The following ATRN variants were observed in gnomAD, a reference collection of about 807,000 sequenced individuals.
ATRN encodes attractin.
Under a neutral mutation model 178.7 loss-of-function variants are expected in ATRN, and 54 were observed. The observed-to-expected ratio is 0.30, with a 90% CI of 0.24 to 0.38. The LOEUF is 0.38. Ranked by LOEUF, ATRN falls within the 10% of genes least tolerant of loss-of-function variation. The pLI is 1.00. For missense variants in ATRN, 1,443 were observed against 1,815.1 expected, an observed-to-expected ratio of 0.79 and a Z score of 3.73; for synonymous variants, 636 against 663.0, an observed-to-expected ratio of 0.96 and a Z score of 0.63.
intron 22 of ATRN, among the ~76,000 whole-genome samples, chr20:3,598,254 GTCA>G (rs1568755153): frequency 6.6e-6 from 1 of 152,224 alleles, no homozygotes; most frequent in Non-Finnish European, 1.5e-5. Flanking sequence ...TACTCTGCCT[GTCA>G]GCCCATCATG....
intron 1 of ATRN, among the ~76,000 whole-genome samples, chr20:3,488,220 A>G (rs1164273502): frequency 6.6e-6 from 1 of 152,116 alleles, no homozygotes; most frequent in African/African-American, 2.4e-5. Flanking sequence ...ACGTAGTGAA[A>G]TGTATTGATT....
chr20:3,618,154 G>A (rs982363790), intron 24 of ATRN, among the ~76,000 whole-genome samples: 5 of 152,066 alleles, frequency 3.3e-5, no homozygotes, highest in Admixed American at 6.6e-5. Flanking sequence ...ATCTGTGGTG[G>A]CATCTTTCCA....
In ATRN at chr20:3,575,977, A is replaced by G. The variant is rs1056341433; in HGVS notation, c.2214+29A>G. The G allele has an allele frequency of 5.0e-6, 8 of 1,609,162 alleles. No individual in the cohort carries two copies. The African/African-American group carries it at 1.1e-4, about 22-fold the overall frequency. ...AGAGGCTGTTTCTTAAAGATTTCAG[A>G]AAAATCCCAATTTGTCATAGGTTTA... On this transcript the variant is annotated intron_variant, in intron 13 of 28. Transcript: ENST00000262919.
At chr20:3,487,951 C>A (rs1308627194) in intron 1 of ATRN, among the ~76,000 whole-genome samples, 1 of 152,126 alleles carries the variant, frequency 6.6e-6, no homozygotes, top group African/African-American at 2.4e-5. Flanking sequence ...GGTTCCAATT[C>A]CCTGCCTTAC....
intron 28 of ATRN, 60 bp downstream of exon 28, chr20:3,644,328 G>C (rs942926139): frequency 7.3e-7 from 1 of 1,363,560 alleles, no homozygotes; most frequent in Non-Finnish European, 1.0e-6. Flanking sequence ...CTAAGCATGG[G>C]ATACTTCCCT....
intron 1 of ATRN, among the ~76,000 whole-genome samples, chr20:3,472,478 G>T (rs1476637385): frequency 6.6e-6 from 1 of 152,200 alleles, no homozygotes; most frequent in African/African-American, 2.4e-5. Flanking sequence ...CAGGGCCTCT[G>T]CTCTCATTGA....
intron 2 of ATRN, among the ~76,000 whole-genome samples, chr20:3,538,280 A>G (rs748987945): frequency 2.6e-5 from 4 of 152,132 alleles, no homozygotes; most frequent in Non-Finnish European, 5.9e-5. Flanking sequence ...AGCAGTGATC[A>G]CTAGTACCAT....
rs1222519146 is a variant in ATRN at position 3,634,511 on chromosome 20, G to A, written c.3942+122G>A. The A allele has an allele frequency of 7.6e-6, 6 of 785,114 alleles. No individual in the cohort carries two copies. The African/African-American group carries it at 1.0e-4, about 14-fold the overall frequency. The allele number at this position is 785,114 out of a possible 1,614,324, so 48.6% of individuals were successfully genotyped here. Reference sequence around the variant, plus strand: ...GGACAGACAGACATCTCCACGGAAGGAATAATGCAGCCCTTTCTGCAGTCC... The same window carrying A: ...GGACAGACAGACATCTCCACGGAAGAAATAATGCAGCCCTTTCTGCAGTCC... On this transcript the variant is annotated intron_variant, in intron 26 of 28. Transcript: ENST00000262919.
intron 1 of ATRN, among the ~76,000 whole-genome samples, chr20:3,528,581 T>C (rs1045707593): frequency 6.6e-6 from 1 of 151,998 alleles, no homozygotes; most frequent in Non-Finnish European, 1.5e-5. Context: ...CACCGGGACC[T>C]GCTTGAGGGT....
chr20:3,540,203 C>G lies in ATRN; in HGVS notation c.495-19C>G. 1 of 1,419,690 alleles carries G rather than the reference C, an allele frequency of 7.0e-7. No individual in the cohort carries two copies. The highest frequency in any genetic ancestry group is 9.7e-7 in the Non-Finnish European group (1 of 1,030,886). 87.9% of individuals were successfully genotyped at this position (1,419,690 alleles called of 1,614,324 possible). A position where few individuals can be genotyped will look rare whatever the true frequency, so the allele number is the denominator to read the frequency against. On this transcript the variant is annotated intron_variant, in intron 2 of 28. Coordinates refer to ENST00000262919, the MANE Select transcript of ATRN (RefSeq NM_139321.3). ...GTTGTGATAACTTTATTATAAATTACTTTTTTTATTCTTTTCAGGCCAAAT... is the reference window on the plus strand; with the variant it reads ...GTTGTGATAACTTTATTATAAATTAGTTTTTTTATTCTTTTCAGGCCAAAT...
At chr20:3,637,704 T>C (rs2087036252) in intron 26 of ATRN, among the ~76,000 whole-genome samples, 1 of 152,150 alleles carries the variant, frequency 6.6e-6, no homozygotes, top group African/African-American at 2.4e-5. Flanking sequence ...AGTATCTCAT[T>C]TGATCCCAGT....
intron 22 of ATRN, among the ~76,000 whole-genome samples, chr20:3,599,751 A>C (rs1355042404): frequency 6.6e-6 from 1 of 152,220 alleles, no homozygotes; most frequent in Non-Finnish European, 1.5e-5. Flanking sequence ...CCGATGACCC[A>C]CGTATACCAA....
At chr20:3,492,168 A>AGTGTGTGTGTGTGT (rs58489496) in intron 1 of ATRN, among the ~76,000 whole-genome samples, 208 of 140,692 alleles carry the variant, frequency 1.5e-3, no homozygotes, top group South Asian at 3.6e-3. Context: ...TAGATAGGGG[A>AGTGTGTGTGTGTGT]GTGTGTGTGT....
intron 6 of ATRN, among the ~76,000 whole-genome samples, chr20:3,554,969 A>G (rs1364715637): frequency 3.4e-5 from 5 of 147,370 alleles, no homozygotes. Flanking sequence ...GGCTCATGGA[A>G]CACCAAGTGT....
chr20:3,570,779 G>A (rs1229834516), intron 11 of ATRN, among the ~76,000 whole-genome samples: 1 of 152,102 alleles, frequency 6.6e-6, no homozygotes, highest in African/African-American at 2.4e-5. Context: ...TCTCTAAAAA[G>A]TTCTAGTTTT....
chr20:3,516,372 C>G (rs534753237), intron 1 of ATRN, among the ~76,000 whole-genome samples: 1 of 152,122 alleles, frequency 6.6e-6, no homozygotes, highest in African/African-American at 2.4e-5. Context: ...AGTTGCCATA[C>G]GTATAACTGC....
At chr20:3,560,626 A>G (rs370779847) in intron 7 of ATRN, 36 bp from the exon 8 acceptor site, 7 of 1,503,962 alleles carry the variant, frequency 4.7e-6, no homozygotes, top group South Asian at 3.5e-5. Flanking sequence ...AATCTTTTCA[A>G]TGTTTTTAAA....
chr20:3,595,177 A>G (rs1422773738), intron 20 of ATRN, among the ~76,000 whole-genome samples: 1 of 152,184 alleles, frequency 6.6e-6, no homozygotes, highest in African/African-American at 2.4e-5. Context: ...TGTTCCCCCC[A>G]TCTGTCAGTA....
chr20:3,474,532 C>A (rs1238668155), intron 1 of ATRN, among the ~76,000 whole-genome samples: 2 of 151,360 alleles, frequency 1.3e-5, no homozygotes, highest in Non-Finnish European at 2.9e-5. Flanking sequence ...TTGGTGAAAC[C>A]CCGTCTCCAC....
Sources: gnomAD v4.1 joint callset for allele counts (sites outside exome capture counted in the v4.1 genomes callset) on GRCh38, gnomAD v4.1.1 for gene constraint, MANE v1.5 for transcripts, NCBI Gene and HGNC (gene_info 2026-07-23, HGNC 2026-07-21) for gene names.